The following MMP16 variants were observed in gnomAD, a reference collection of about 807,000 sequenced individuals.
MMP16 encodes the protein matrix metalloproteinase-16.
A neutral mutation model predicts 67.8 loss-of-function variants in MMP16; 12 were observed. The ratio of observed to expected loss-of-function variants is 0.18; its 90% CI spans 0.11 to 0.29. The LOEUF (loss-of-function observed/expected upper bound fraction) is 0.29. Ranked by LOEUF, MMP16 falls within the 10% of genes least tolerant of loss-of-function variation. The probability of loss-of-function intolerance (pLI) is 1.00; values close to 1 mark genes in which losing one functional copy is unlikely to be tolerated. For synonymous variants in MMP16, 249 were observed against 255.9 expected, an observed-to-expected ratio of 0.97 and a Z score of 0.26; for missense variants, 475 against 765.7, an observed-to-expected ratio of 0.62 and a Z score of 4.48.
At chr8:88,080,112 G>A (rs1808720865) in intron 6 of MMP16, among the ~76,000 whole-genome samples, 1 of 152,118 alleles carries the variant, frequency 6.6e-6, no homozygotes, top group African/African-American at 2.4e-5. Flanking sequence ...TGTATGATAT[G>A]CTCCACAAGA....
chr8:88,312,427 A>G (rs1364955749), intron 1 of MMP16, among the ~76,000 whole-genome samples: 1 of 152,186 alleles, frequency 6.6e-6, no homozygotes, highest in African/African-American at 2.4e-5. Context: ...TAAGAACCGG[A>G]TTATATATTC....
At chr8:88,158,414 G>T (rs187066887) in intron 4 of MMP16, among the ~76,000 whole-genome samples, 90 of 152,294 alleles carry the variant, frequency 5.9e-4, no homozygotes, top group Non-Finnish European at 9.4e-4. Context: ...TTTCTCTGAT[G>T]ACCAGTGATG....
chr8:88,039,690 T>G lies in MMP16; in HGVS notation c.*1771A>C, dbSNP rs1808105964. 1 of 152,626 alleles carries G rather than the reference T, an allele frequency of 6.6e-6. No individual in the cohort carries two copies. The highest frequency in any genetic ancestry group is 1.5e-5 in the Non-Finnish European group (1 of 68,034). The allele number at this position is 152,626 out of a possible 1,614,324, so 9.5% of individuals were successfully genotyped here. A position where few individuals can be genotyped will look rare whatever the true frequency, so the allele number is the denominator to read the frequency against. ...CTTTCACACAAAGCCAATGTCTGAC[T>G]CATGGGGTGCATTCATTCTGACCAT... On this transcript the variant is annotated 3_prime_UTR_variant, in exon 10 of 10. Transcript: ENST00000286614. This position sits in a 1 kb window ranked among gnomAD's most constrained non-coding sequence, Gnocchi z 4.5.
intron 7 of MMP16, among the ~76,000 whole-genome samples, chr8:88,074,085 T>C (rs901395179): frequency 6.6e-6 from 1 of 152,200 alleles, no homozygotes; most frequent in Non-Finnish European, 1.5e-5. Flanking sequence ...ACTTGTGAGA[T>C]TAAAATTTGG....
chr8:88,297,374 G>T (rs1052907194), intron 1 of MMP16, among the ~76,000 whole-genome samples: 1 of 152,156 alleles, frequency 6.6e-6, no homozygotes, highest in Non-Finnish European at 1.5e-5. Context: ...AACCAAGGAG[G>T]TCTCTGGGAC....
intron 1 of MMP16, among the ~76,000 whole-genome samples, chr8:88,283,978 A>G (rs529185311): frequency 3.6e-4 from 55 of 152,354 alleles, no homozygotes; most frequent in African/African-American, 1.3e-3. Context: ...TAAATGTTGA[A>G]ACAACTGGTG....
chr8:88,214,823 T>C (rs1051554540), intron 1 of MMP16, among the ~76,000 whole-genome samples: 4 of 152,092 alleles, frequency 2.6e-5, no homozygotes, highest in Non-Finnish European at 1.5e-5. Context: ...TCCTAACATG[T>C]CCCCCATCTC....
intron 4 of MMP16, among the ~76,000 whole-genome samples, chr8:88,131,995 C>A (rs1240564147): frequency 6.6e-6 from 1 of 151,924 alleles, no homozygotes; most frequent in Non-Finnish European, 1.5e-5. Context: ...ATGTCTTCTG[C>A]AGAGGTAGAA....
intron 4 of MMP16, among the ~76,000 whole-genome samples, chr8:88,157,654 T>C (rs1265426493): frequency 6.6e-6 from 1 of 151,498 alleles, no homozygotes; most frequent in Non-Finnish European, 1.5e-5. Flanking sequence ...GAATTTCTGG[T>C]TTCATCTGCT....
At chr8:88,087,445 G>A (rs1808852423) in intron 6 of MMP16, among the ~76,000 whole-genome samples, 1 of 151,856 alleles carries the variant, frequency 6.6e-6, no homozygotes, top group African/African-American at 2.4e-5. Context: ...CCATGGCATA[G>A]GCATGCTGAG....
At chr8:88,080,337 G>T (rs1344752908) in intron 6 of MMP16, among the ~76,000 whole-genome samples, 2 of 152,052 alleles carry the variant, frequency 1.3e-5, no homozygotes, top group Non-Finnish European at 2.9e-5. Context: ...TCTAACCAAG[G>T]GAAATCATTA....
chr8:88,081,328 A>T (rs563596331), intron 6 of MMP16, among the ~76,000 whole-genome samples: 47 of 152,340 alleles, frequency 3.1e-4, no homozygotes, highest in African/African-American at 1.1e-3. Flanking sequence ...TCTTTTAGTC[A>T]TACTTCAAAA....
At chr8:88,268,413 A>G (rs530958929) in intron 1 of MMP16, among the ~76,000 whole-genome samples, 6 of 152,298 alleles carry the variant, frequency 3.9e-5, no homozygotes, top group African/African-American at 1.4e-4. Context: ...TATTCAACAA[A>G]ATATCTACTT....
At chr8:88,091,998 A>C (rs1237345367) in intron 6 of MMP16, among the ~76,000 whole-genome samples, 4 of 151,776 alleles carry the variant, frequency 2.6e-5, no homozygotes, top group Non-Finnish European at 4.4e-5. Context: ...TCTCATACTT[A>C]AGACTCCTGT....
chr8:88,236,877 A>C (rs6982189), intron 1 of MMP16, among the ~76,000 whole-genome samples: 117,398 of 121,654 alleles, frequency 0.97, 57,218 homozygotes, highest in Non-Finnish European at 0.99. Context: ...CATCAGCTAC[A>C]CCTTTCAAGA....
intron 1 of MMP16, among the ~76,000 whole-genome samples, chr8:88,210,536 C>G (rs1348106302): frequency 6.6e-6 from 1 of 152,146 alleles, no homozygotes; most frequent in Admixed American, 6.6e-5. Flanking sequence ...CCACCGTACT[C>G]TCCCCCATAT....
chr8:88,092,911 C>T (rs549239556), intron 6 of MMP16, among the ~76,000 whole-genome samples: 1 of 151,886 alleles, frequency 6.6e-6, no homozygotes, highest in East Asian at 1.9e-4. Flanking sequence ...CTGTAACCCA[C>T]TCAATTGGTA....
At chr8:88,079,610 C>T (rs577138480) in intron 6 of MMP16, among the ~76,000 whole-genome samples, 38 of 152,210 alleles carry the variant, frequency 2.5e-4, no homozygotes, top group Non-Finnish European at 5.1e-4. Flanking sequence ...GTAAAGAGGG[C>T]TTGGCTGCCC....
intron 1 of MMP16, among the ~76,000 whole-genome samples, chr8:88,302,101 T>C (rs1310901758): frequency 6.6e-6 from 1 of 152,174 alleles, no homozygotes; most frequent in Non-Finnish European, 1.5e-5. Context: ...CCATTAACCT[T>C]CTATGAAGCT....
Sources: allele counts gnomAD v4.1 joint callset (sites outside exome capture counted in the v4.1 genomes callset), GRCh38; gene constraint gnomAD v4.1.1; non-coding constraint Gnocchi (gnomAD v3.1); transcripts MANE v1.5; gene names NCBI Gene and HGNC (gene_info 2026-07-23, HGNC 2026-07-21).